Variants in PLXNA4 observed in about 807,000 individuals in gnomAD.
PLXNA4 encodes the protein plexin A4.
PLXNA4 carries 44 observed loss-of-function variants against 191.8 expected under a neutral mutation model. The observed-to-expected ratio is 0.23, with a 90% CI of 0.18 to 0.29. PLXNA4 has a LOEUF of 0.29. PLXNA4 is among the 10% of genes least tolerant of loss of function. PLXNA4 has a pLI of 1.00. For missense variants in PLXNA4, 1,800 were observed against 2,488.8 expected (o/e 0.72, Z 5.89); for synonymous variants, 1,082 against 1,009.5 (o/e 1.07, Z -1.36).
In PLXNA4 at chr7:132,165,147, T is replaced by C. The variant is rs1403112815; in HGVS notation, c.4340A>G (p.Tyr1447Cys). 1.2e-6 allele frequency: 2 copies of C among 1,612,956 alleles called. No homozygotes were observed. Among genetic ancestry groups the C allele is most frequent in the Non-Finnish European group, 1.7e-6 (2 of 1,179,406 alleles). ...ATCCAACCCTACCTTGAGGAACTTG[T>C]AGAGGAGGAAAGTAAACCAATTGGT... ...MLTNWFTFLL[Y>C]KFLKECAGEP... is the part of the protein sequence containing the mutation. Residue 1447 changes from tyrosine (Y) to cysteine (C), a missense_variant, in exon 23 of 32, where the codon TAC becomes TGC. Tyr to Cys is a radical substitution (Grantham distance 194). Coordinates refer to ENST00000321063, the MANE Select transcript of PLXNA4 (RefSeq NM_020911.2).
chr7:132,168,539 C>G lies in PLXNA4; in HGVS notation c.4051G>C (p.Gly1351Arg). The change falls in exon 22 of 32, where the codon GGC becomes CGC. Residue 1351 changes from glycine to arginine, a missense_variant. Transcript: ENST00000321063. The stretch of plus-strand genomic sequence containing the variant: ...ATGAGCTGGGCGAAGAGCTTCAGGC[C>G]TTTCTCCACACGCTCCTGCCGGTAG... The part of the protein sequence containing the change: ...PGYRQERVEK[G>R]LKLFAQLINN... 1 of 1,603,740 alleles carries G rather than the reference C, an allele frequency of 6.2e-7. No individual in the cohort carries two copies. Among genetic ancestry groups the G allele is most frequent in the Non-Finnish European group, 8.5e-7 (1 of 1,174,004 alleles).
At chr7:132,581,853 G>C (rs1214573525), upstream of PLXNA4, among the ~76,000 whole-genome samples, 2 of 152,120 alleles carry the variant, frequency 1.3e-5, no homozygotes, top group African/African-American at 2.4e-5. Context: ...CCCCTCTCCA[G>C]AATGCTTCCT....
In PLXNA4 at chr7:132,409,628, G is replaced by A. The variant is rs1794368781; in HGVS notation, c.1371+79664C>T. Reference sequence around the variant, plus strand: ...TTGGATTTTTCACTCTTTCAAGGTGGAATTCCATGATTTGATAATTACATG... The same window carrying A: ...TTGGATTTTTCACTCTTTCAAGGTGAAATTCCATGATTTGATAATTACATG... On this transcript the variant is annotated intron_variant, in intron 3 of 31. Coordinates refer to ENST00000321063, the MANE Select transcript of PLXNA4 (RefSeq NM_020911.2). 2.6e-5 allele frequency among the ~76,000 whole-genome samples: 4 copies of A among 152,282 alleles called. No individual in the cohort carries two copies. The South Asian group carries it at 8.3e-4, about 32-fold the overall frequency.
chr7:132,509,839 C>T (rs1419630153), intron 1 of PLXNA4, among the ~76,000 whole-genome samples: 13 of 152,176 alleles, frequency 8.5e-5, no homozygotes, highest in Admixed American at 5.2e-4. Context: ...TCCTCAATCT[C>T]GTCACACTGC....
intron 3 of PLXNA4, among the ~76,000 whole-genome samples, chr7:132,316,500 CAT>C (rs1449393085): frequency 6.6e-6 from 1 of 152,140 alleles, no homozygotes; most frequent in Non-Finnish European, 1.5e-5. Flanking sequence ...GATTTTAAAA[CAT>C]AGATTTAACC....
At chr7:132,543,210 T>G in intron 1 of PLXNA4, among the ~76,000 whole-genome samples, 1 of 152,236 alleles carries the variant, frequency 6.6e-6, no homozygotes, top group East Asian at 1.9e-4. Flanking sequence ...GTCATTTTTC[T>G]TAGCTACTCA....
At chr7:132,232,765 G>A (rs1798565696) in intron 5 of PLXNA4, among the ~76,000 whole-genome samples, 1 of 152,126 alleles carries the variant, frequency 6.6e-6, no homozygotes, top group African/African-American at 2.4e-5. Flanking sequence ...AGGGGGTGAG[G>A]GAGAGGGAGA....
At chr7:132,365,684 G>A (rs773307153) in intron 3 of PLXNA4, among the ~76,000 whole-genome samples, 19 of 152,212 alleles carry the variant, frequency 1.2e-4, no homozygotes, top group Non-Finnish European at 2.4e-4. Flanking sequence ...GAGATTCAGA[G>A]AGAGAAGACA....
intron 2 of PLXNA4, among the ~76,000 whole-genome samples, chr7:132,643,134 C>A (rs1803783005): frequency 6.6e-6 from 1 of 152,038 alleles, no homozygotes; most frequent in Non-Finnish European, 1.5e-5. Context: ...AGTGGAAGGG[C>A]AGCTCATGTA....
chr7:132,443,200 T>C (rs954821833), intron 3 of PLXNA4, among the ~76,000 whole-genome samples: 13 of 152,220 alleles, frequency 8.5e-5, no homozygotes, highest in Non-Finnish European at 1.3e-4. Flanking sequence ...CCTTTGCTGA[T>C]GTTTGGAGGT....
At chr7:132,225,996 G>A (rs1471689001) in intron 8 of PLXNA4, among the ~76,000 whole-genome samples, 165 bp downstream of exon 8, 1 of 149,748 alleles carries the variant, frequency 6.7e-6, no homozygotes, top group African/African-American at 2.5e-5. Flanking sequence ...CTCCTCTGGG[G>A]CTTCTAAATG....
chr7:132,131,016 C>A (rs1213207735), intron 31 of PLXNA4, among the ~76,000 whole-genome samples: 9 of 152,128 alleles, frequency 5.9e-5, no homozygotes, highest in African/African-American at 2.2e-4. Context: ...CCCTTCCTCC[C>A]GCAGAAATAA....
chr7:132,566,159 C>T (rs538114780), intron 1 of PLXNA4, among the ~76,000 whole-genome samples: 2 of 152,214 alleles, frequency 1.3e-5, no homozygotes, highest in East Asian at 1.9e-4. Context: ...AAAGGAGCAC[C>T]GTGCCTGCAC....
intron 3 of PLXNA4, among the ~76,000 whole-genome samples, chr7:132,309,814 G>A (rs369477783): frequency 7.9e-5 from 12 of 152,128 alleles, no homozygotes; most frequent in African/African-American, 1.4e-4. Context: ...TTCAGGAGTC[G>A]TCCAGGTACT....
intron 29 of PLXNA4, among the ~76,000 whole-genome samples, chr7:132,144,898 C>CACAGACAGATTTGACTAGAGGGAAGTAAG (rs1795373324): frequency 6.6e-6 from 1 of 152,174 alleles, no homozygotes. Flanking sequence ...AAGAAAGATG[C>CACAGACAGATTTGACTAGAGGGAAGTAAG]ACAGACAGAT....
At chr7:132,563,800 C>T (rs1485891744) in intron 1 of PLXNA4, among the ~76,000 whole-genome samples, 1 of 98,782 alleles carries the variant, frequency 1.0e-5, no homozygotes, top group South Asian at 5.1e-4. Context: ...CCTTCTCCTC[C>T]TCCTTCTCCT....
chr7:132,632,737 G>A (rs745749248), intron 2 of PLXNA4, among the ~76,000 whole-genome samples: 19 of 152,062 alleles, frequency 1.2e-4, no homozygotes, highest in Middle Eastern at 6.3e-3. Context: ...TGTTAACACC[G>A]CAAGATGGGA....
At chr7:132,162,029 C>T (rs1355593144) in intron 24 of PLXNA4, among the ~76,000 whole-genome samples, 1 of 152,196 alleles carries the variant, frequency 6.6e-6, no homozygotes, top group Non-Finnish European at 1.5e-5. Context: ...GGTACACTCG[C>T]TTTCTCCCCA....
chr7:132,644,726 G>T (rs1803832497), intron 2 of PLXNA4, among the ~76,000 whole-genome samples: 1 of 152,144 alleles, frequency 6.6e-6, no homozygotes, highest in African/African-American at 2.4e-5. Context: ...GTCGATCTGT[G>T]GTTGGAAAGA....
Sources: gnomAD v4.1 joint callset for allele counts (sites outside exome capture counted in the v4.1 genomes callset) on GRCh38, gnomAD v4.1.1 for gene constraint, MANE v1.5 for transcripts, NCBI Gene and HGNC (gene_info 2026-07-23, HGNC 2026-07-21) for gene names.